CFAP91: variants seen among roughly 807,000 people sequenced by gnomAD.
CFAP91 encodes cilia and flagella associated protein 91, also known as cilia- and flagella-associated protein 91.
CFAP91 carries 85 observed loss-of-function variants against 95.9 expected under a neutral mutation model. That is an observed-to-expected ratio of 0.89 (90% CI 0.74 to 1.06). CFAP91 has a LOEUF of 1.06. Ranked by LOEUF, CFAP91 falls within the 50% of genes least tolerant of loss-of-function variation. CFAP91 has a pLI of 0.00. For synonymous variants in CFAP91, 335 were observed against 327.5 expected, an observed-to-expected ratio of 1.02 and a Z score of -0.25; for missense variants, 962 against 943.4, an observed-to-expected ratio of 1.02 and a Z score of -0.26.
At chr3:119,704,186 T>C (rs921964669) in intron 1 of CFAP91, among the ~76,000 whole-genome samples, 3 of 152,220 alleles carry the variant, frequency 2.0e-5, no homozygotes, top group Non-Finnish European at 4.4e-5. Context: ...TGTTTTTTTT[T>C]CACGGGTAAT....
intron 6 of CFAP91, among the ~76,000 whole-genome samples, chr3:119,717,648 C>G (rs2053603151): frequency 6.7e-6 from 1 of 149,318 alleles, no homozygotes; most frequent in African/African-American, 2.5e-5. Context: ...TACTGTAATG[C>G]AGCAGCGAGG....
chr3:119,707,205 C>T (rs2053381982), intron 2 of CFAP91, 199 bp from the exon 3 acceptor site: 2 of 524,266 alleles, frequency 3.8e-6, no homozygotes, highest in Non-Finnish European at 6.7e-6. Flanking sequence ...CTATCCCCTA[C>T]CCCCTCCACA....
Position 119,728,062 on chromosome 3 carries a change from T to C in CFAP91, c.860+1714T>C, listed in dbSNP as rs141072886. On this transcript the variant is annotated intron_variant, in intron 7 of 17. Transcript: ENST00000273390. The stretch of plus-strand genomic sequence containing the variant: ...GATAATGATGATGATTAGTGGACTA[T>C]AAGGAGCTCTGTCAATATCAGATAA... Among the ~76,000 whole-genome samples, 150 of 152,102 alleles carry C rather than the reference T, an allele frequency of 9.9e-4. 1 individual carries two copies. The East Asian group carries it at 0.02, about 20-fold the overall frequency.
At position 119,708,650 on chromosome 3, in the gene CFAP91, A is replaced by G. The variant is rs1425298704; in HGVS notation, c.419A>G (p.Lys140Arg). 3 of 1,600,342 alleles carry G rather than the reference A, an allele frequency of 1.9e-6. No individual in the cohort carries two copies. Among genetic ancestry groups the G allele is most frequent in the Admixed American group, 1.7e-5 (1 of 58,890 alleles). Reference protein sequence around the residue: ...EVYEDPEVTGKNRYKYFERPF... With the variant: ...EVYEDPEVTGRNRYKYFERPF... Reference sequence around the variant, plus strand: ...TATGAAGATCCTGAAGTTACTGGAAAGAATCGCTATAAATACTTTGAAAGG... The same window carrying G: ...TATGAAGATCCTGAAGTTACTGGAAGGAATCGCTATAAATACTTTGAAAGG... Residue 140 changes from lysine (K) to arginine (R), a missense_variant, in exon 4 of 18, where the codon AAG (lysine) becomes AGG (arginine). Coordinates refer to ENST00000273390, the MANE Select transcript of CFAP91 (RefSeq NM_033364.4).
rs931834106 is a variant in CFAP91 at position 119,747,043 on chromosome 3, T to C, written c.1903-72T>C. 6 of 1,204,176 alleles carry C rather than the reference T, an allele frequency of 5.0e-6. No individual in the cohort carries two copies. In the African/African-American group the frequency reaches 9.3e-5, roughly 19 times the overall value. The allele number at this position is 1,204,176 out of a possible 1,614,324, so 74.6% of individuals were successfully genotyped here. A position where few individuals can be genotyped will look rare whatever the true frequency, so the allele number is the denominator to read the frequency against. ...ATATGAGCTAGAAAAAGTTAACCAA[T>C]GTTTGTGTATTTTTCTTGTGTTGTT... On this transcript the variant is annotated intron_variant, in intron 14 of 17. Coordinates refer to ENST00000273390, the MANE Select transcript of CFAP91 (RefSeq NM_033364.4).
At chr3:119,725,167 C>T (rs1460694893) in intron 6 of CFAP91, among the ~76,000 whole-genome samples, 1 of 152,200 alleles carries the variant, frequency 6.6e-6, no homozygotes, top group Non-Finnish European at 1.5e-5. Flanking sequence ...CCTCCCTTTC[C>T]TTTACCTGCT....
Position 119,744,645 on chromosome 3 carries a change from T to C in CFAP91, c.1902+449T>C, listed in dbSNP as rs570840186. 3.9e-5 allele frequency among the ~76,000 whole-genome samples: 6 copies of C among 152,244 alleles called. No individual in the cohort carries two copies. The East Asian group carries it at 7.7e-4, about 20-fold the overall frequency. Reference sequence around the variant, plus strand: ...AAGCAGCTGGAAGATGATGGTATTATTTCGTGAGGTAGGAAAGTTGAGAGA... The same window carrying C: ...AAGCAGCTGGAAGATGATGGTATTACTTCGTGAGGTAGGAAAGTTGAGAGA... On this transcript the variant is annotated intron_variant, in intron 14 of 17. Coordinates refer to ENST00000273390, the MANE Select transcript of CFAP91 (RefSeq NM_033364.4).
In CFAP91 at chr3:119,706,874, C is replaced by T. The variant is rs775501142; in HGVS notation, c.190C>T (p.Arg64Cys). Reference sequence around the variant, plus strand: ...GGCAAATATCCAAGCTACCCTGATTCGCAGCAGACTGGTATGTCTAATTCA... The same window carrying T: ...GGCAAATATCCAAGCTACCCTGATTTGCAGCAGACTGGTATGTCTAATTCA... ...TQANIQATLIRSRLRKVPRFK... is the reference protein window; with the variant it reads ...TQANIQATLICSRLRKVPRFK... Residue 64 changes from arginine to cysteine, a missense_variant, in exon 2 of 18, where the codon CGC (arginine) becomes TGC (cysteine). Transcript: ENST00000273390. The T allele has an allele frequency of 3.7e-6, 6 of 1,611,824 alleles. No individual in the cohort carries two copies. Among genetic ancestry groups the T allele is most frequent in the Admixed American group, 3.3e-5 (2 of 59,716 alleles).
At chr3:119,751,878 C>G (rs2054331655) in intron 17 of CFAP91, among the ~76,000 whole-genome samples, 1 of 152,124 alleles carries the variant, frequency 6.6e-6, no homozygotes. Flanking sequence ...ATTTGCCCAG[C>G]TACAAAAGTC....
intron 17 of CFAP91, among the ~76,000 whole-genome samples, chr3:119,753,846 G>T (rs1043297263): frequency 6.6e-6 from 1 of 152,134 alleles, no homozygotes; most frequent in Non-Finnish European, 1.5e-5. Context: ...ACAGTCCATT[G>T]TATCATTCTT....
chr3:119,737,229 A>T (rs2054027039), intron 10 of CFAP91, 137 bp from the exon 11 acceptor site: 3 of 585,286 alleles, frequency 5.1e-6, no homozygotes, highest in Admixed American at 6.5e-5. Flanking sequence ...AATATACATT[A>T]TTCAGGTGAT....
chr3:119,745,699 A>G (rs1424721527), intron 14 of CFAP91, among the ~76,000 whole-genome samples: 1 of 152,234 alleles, frequency 6.6e-6, no homozygotes, highest in East Asian at 1.9e-4. Context: ...AATATTGTAT[A>G]TTCCCTTTGT....
In CFAP91 at chr3:119,707,538, A is replaced by C. The variant is rs774475934; in HGVS notation, c.336A>C (p.Arg112Ser). Residue 112 changes from arginine (R) to serine (S), a missense_variant, in exon 3 of 18, where the codon AGA becomes AGC. Transcript: ENST00000273390. ...REWKGHKEKHREALRQLTTTD... is the reference protein window; with the variant it reads ...REWKGHKEKHSEALRQLTTTD... ...GGAAGGGACATAAGGAGAAACACAG[A>C]GAAGCCCTCCGGCAGCTCACCACGT... The C allele has an allele frequency of 6.3e-7, 1 of 1,584,488 alleles. No homozygotes were observed. The highest frequency in any genetic ancestry group is 8.6e-7 in the Non-Finnish European group (1 of 1,159,842).
chr3:119,712,142 G>T (rs376013588), intron 5 of CFAP91, among the ~76,000 whole-genome samples: 1 of 152,196 alleles, frequency 6.6e-6, no homozygotes, highest in East Asian at 1.9e-4. Flanking sequence ...TTTGGGTCCT[G>T]TTTGAGGTTG....
chr3:119,741,696 T>G (rs2054123984), intron 13 of CFAP91, among the ~76,000 whole-genome samples: 1 of 152,236 alleles, frequency 6.6e-6, no homozygotes, highest in Non-Finnish European at 1.5e-5. Flanking sequence ...TTGCACAGAA[T>G]TTAGTGTTAT....
At chr3:119,752,753 C>CATCTTCTATTTATACTT (rs2054349555) in intron 17 of CFAP91, among the ~76,000 whole-genome samples, 1 of 152,146 alleles carries the variant, frequency 6.6e-6, no homozygotes, top group Non-Finnish European at 1.5e-5. Flanking sequence ...AGAAAAAAAT[C>CATCTTCTATTTATACTT]ATCTTCTATT....
At position 119,730,371 on chromosome 3, in the gene CFAP91, G is replaced by A. The variant is rs1189036528; in HGVS notation, c.1012G>A (p.Val338Ile). ...AKMAKIQRTH[V>I]STIRKLVGKR... is the part of the protein sequence containing the mutation. ...AATGGCAAAAATTCAGCGCACGCATGTATCAAGTAATGGTGTAGTATGAAC... is the reference window on the plus strand; with the variant it reads ...AATGGCAAAAATTCAGCGCACGCATATATCAAGTAATGGTGTAGTATGAAC... Residue 338 changes from valine to isoleucine, a missense_variant, in exon 8 of 18, where the codon GTA becomes ATA. Transcript: ENST00000273390. The A allele has an allele frequency of 3.7e-6, 6 of 1,613,692 alleles. No individual in the cohort carries two copies. The African/African-American group carries it at 5.3e-5, about 14-fold the overall frequency.
intron 7 of CFAP91, 145 bp downstream of exon 7, chr3:119,726,493 T>G: frequency 1.4e-6 from 1 of 700,948 alleles, no homozygotes; most frequent in Non-Finnish European, 2.3e-6. Context: ...TCCGGTTCTT[T>G]CAGGAGCAGT....
Position 119,766,064 on chromosome 3 carries a change from T to G in CFAP91, c.*1014T>G, listed in dbSNP as rs1286835813. The G allele has an allele frequency of 1.3e-5, 2 of 152,042 alleles. No individual in the cohort carries two copies. Among genetic ancestry groups the G allele is most frequent in the African/African-American group, 2.4e-5 (1 of 41,406 alleles). 9.4% of individuals were successfully genotyped at this position (152,042 alleles called of 1,614,324 possible). A position where few individuals can be genotyped will look rare whatever the true frequency, so the allele number is the denominator to read the frequency against. On this transcript the variant is annotated 3_prime_UTR_variant, in exon 18 of 18. Coordinates refer to ENST00000273390, the MANE Select transcript of CFAP91 (RefSeq NM_033364.4). ...GGGAAAAATATAAAAAGATTTAAAA[T>G]CCAGCAACAAAATTTACACATTCAT...
Sources: allele counts gnomAD v4.1 joint callset (sites outside exome capture counted in the v4.1 genomes callset), GRCh38; gene constraint gnomAD v4.1.1; transcripts MANE v1.5; gene names NCBI Gene and HGNC (gene_info 2026-07-23, HGNC 2026-07-21).